The following SLC27A2 variants were observed in gnomAD, a reference collection of about 807,000 sequenced individuals.
The protein encoded by SLC27A2 is solute carrier family 27 member 2.
Under a neutral mutation model 60.0 loss-of-function variants are expected in SLC27A2, and 54 were observed. The observed-to-expected ratio is 0.90, with a 90% CI of 0.72 to 1.13. The LOEUF (loss-of-function observed/expected upper bound fraction) is 1.13, where lower values mean the gene tolerates loss of function less well. SLC27A2 is among the 50% of genes most tolerant of loss of function. The pLI is 0.00. For synonymous variants in SLC27A2, 297 were observed against 297.6 expected, an observed-to-expected ratio of 1.00 and a Z score of 0.02; for missense variants, 739 against 777.6, an observed-to-expected ratio of 0.95 and a Z score of 0.59.
At position 50,233,869 on chromosome 15, in the gene SLC27A2, TC is replaced by T. The variant is rs1201964654; in HGVS notation, c.1558del (p.His520MetfsTer12). 2 of 1,610,514 alleles carry T rather than the reference TC, an allele frequency of 1.2e-6. No homozygotes were observed. The highest frequency in any genetic ancestry group is 1.7e-6 in the Non-Finnish European group (2 of 1,178,534). Reference sequence around the variant, plus strand: ...AATTTTTTCTCACTTTATTTCTAGATCATGAGGGTCGCATTGGCATGGCCTC... The same window carrying T: ...AATTTTTTCTCACTTTATTTCTAGATATGAGGGTCGCATTGGCATGGCCTC... ...VNVYGVHVPD[H>X]EGRIGMASIK... On this transcript the variant is annotated frameshift_variant and splice_region_variant, in exon 9 of 10. Transcript: ENST00000267842. LOFTEE classifies it high-confidence loss of function.
chr15:50,182,487 C>G lies in SLC27A2; in HGVS notation c.60C>G (p.Asn20Lys). 1 of 1,610,846 alleles carries G rather than the reference C, an allele frequency of 6.2e-7. No individual in the cohort carries two copies. The highest frequency in any genetic ancestry group is 8.5e-7 in the Non-Finnish European group (1 of 1,178,736). Residue 20 changes from asparagine (N) to lysine (K), a missense_variant, in exon 1 of 10, where the codon AAC becomes AAG. By Grantham distance (94) the Asn-to-Lys change is moderately conservative (BLOSUM62 0). Coordinates refer to ENST00000267842, the MANE Select transcript of SLC27A2 (RefSeq NM_003645.4). ...AGLLFLPLLV[N>K]LCCPYFFQDI... Reference sequence around the variant, plus strand: ...TGCTGTTCCTGCCGCTCCTGGTGAACCTCTGCTGCCCATACTTCTTCCAGG... The same window carrying G: ...TGCTGTTCCTGCCGCTCCTGGTGAAGCTCTGCTGCCCATACTTCTTCCAGG...
intron 2 of SLC27A2, among the ~76,000 whole-genome samples, chr15:50,200,633 G>A (rs983924850): frequency 2.0e-5 from 3 of 152,042 alleles, no homozygotes; most frequent in African/African-American, 4.8e-5. Flanking sequence ...TCCTCTTCAC[G>A]AAGTCTGTTT....
intron 2 of SLC27A2, among the ~76,000 whole-genome samples, chr15:50,198,772 TA>T (rs1452891642): frequency 6.6e-6 from 1 of 152,180 alleles, no homozygotes; most frequent in East Asian, 1.9e-4. Context: ...AAGCAGGTAA[TA>T]CAGGTCTTCT....
intron 5 of SLC27A2, among the ~76,000 whole-genome samples, chr15:50,224,874 C>T (rs745900307): frequency 2.0e-5 from 3 of 152,152 alleles, no homozygotes; most frequent in African/African-American, 7.2e-5. Context: ...GACTGAGAAT[C>T]GATCTCCTAC....
At chr15:50,229,732 A>T (rs1328157452) in intron 8 of SLC27A2, among the ~76,000 whole-genome samples, 1 of 152,194 alleles carries the variant, frequency 6.6e-6, no homozygotes, top group East Asian at 1.9e-4. Context: ...TATATATATA[A>T]GGGTTGTTGT....
chr15:50,236,251 CTT>C lies in SLC27A2; in HGVS notation c.*157_*158del, dbSNP rs1430585396. 4 of 513,806 alleles carry C rather than the reference CTT, an allele frequency of 7.8e-6. No homozygotes were observed. Among genetic ancestry groups the C allele is most frequent in the South Asian group, 4.5e-5 (1 of 22,358 alleles). 31.8% of individuals were successfully genotyped at this position (513,806 alleles called of 1,614,324 possible). A position where few individuals can be genotyped will look rare whatever the true frequency, so the allele number is the denominator to read the frequency against. ...AGACTTTTTTAAATAACAGTTGAGT[CTT>C]TGCAAGTAAAAAGATTTAGAGATTA... is the stretch of plus-strand genomic sequence containing the variant. On this transcript the variant is annotated 3_prime_UTR_variant, in exon 10 of 10. Transcript: ENST00000267842.
At chr15:50,188,714 C>G (rs910229366) in intron 1 of SLC27A2, among the ~76,000 whole-genome samples, 1 of 152,364 alleles carries the variant, frequency 6.6e-6, no homozygotes, top group African/African-American at 2.4e-5. Flanking sequence ...AATCCCAACA[C>G]TTTGGGAGGC....
Position 50,220,111 on chromosome 15 carries a change from T to C in SLC27A2, c.973-2854T>C, listed in dbSNP as rs1266190844. ...TTCCAGCCTTAATCCCTTTTGCTGA[T>C]GTAATAAGATTCTTCAGCTGGATGA... On this transcript the variant is annotated intron_variant, in intron 4 of 9. Coordinates refer to ENST00000267842, the MANE Select transcript of SLC27A2 (RefSeq NM_003645.4). Among the ~76,000 whole-genome samples the C allele has an allele frequency of 2.0e-5, 3 of 152,340 alleles. No homozygotes were observed. In the East Asian group the frequency reaches 5.8e-4, roughly 29 times the overall value.
intron 3 of SLC27A2, among the ~76,000 whole-genome samples, chr15:50,203,020 A>AAAAAAAATATAT (rs369562703): frequency 6.8e-6 from 1 of 147,724 alleles, no homozygotes; most frequent in African/African-American, 2.5e-5. Context: ...CTCTAAAAAA[A>AAAAAAAATATAT]ATATATATAT....
chr15:50,213,415 A>G (rs2045172210), intron 4 of SLC27A2, among the ~76,000 whole-genome samples: 3 of 152,230 alleles, frequency 2.0e-5, no homozygotes. Flanking sequence ...AAAGTCAACA[A>G]AGAAACAATG....
At chr15:50,202,733 G>A in intron 3 of SLC27A2, 88 bp downstream of exon 3, 1 of 1,363,076 alleles carries the variant, frequency 7.3e-7, no homozygotes, top group Non-Finnish European at 1.0e-6. Flanking sequence ...CTACGTTGCT[G>A]TCTGCTAGGA....
intron 1 of SLC27A2, among the ~76,000 whole-genome samples, chr15:50,195,865 C>A (rs1379423546): frequency 4.0e-5 from 6 of 149,886 alleles, no homozygotes; most frequent in African/African-American, 1.5e-4. Context: ...ACCATCCTGG[C>A]TAACACTGTG....
intron 9 of SLC27A2, 96 bp from the exon 10 acceptor site, chr15:50,235,824 A>G (rs759193637): frequency 4.7e-6 from 4 of 847,654 alleles, no homozygotes; most frequent in Non-Finnish European, 7.3e-6. Context: ...GATGCTAATG[A>G]TTTGCTAGAT....
intron 5 of SLC27A2, among the ~76,000 whole-genome samples, chr15:50,225,121 A>C (rs2045270228): frequency 6.6e-6 from 1 of 152,216 alleles, no homozygotes; most frequent in African/African-American, 2.4e-5. Context: ...GACCATAAAC[A>C]CCACTTGTTT....
At chr15:50,187,661 TC>T (rs1239444344) in intron 1 of SLC27A2, among the ~76,000 whole-genome samples, 22 of 152,272 alleles carry the variant, frequency 1.4e-4, no homozygotes, top group Non-Finnish European at 2.6e-4. Flanking sequence ...AAAGATACTC[TC>T]TGTTGCAAAA....
In SLC27A2 at chr15:50,227,195, C is replaced by A; in HGVS notation, c.1457+17C>A. On this transcript the variant is annotated intron_variant, in intron 7 of 9. Transcript: ENST00000267842. Reference sequence around the variant, plus strand: ...TACATTCCGGTTGGTTTTTCTGAATCATTGAGCCAAAAACAAACACACGCA... The same window carrying A: ...TACATTCCGGTTGGTTTTTCTGAATAATTGAGCCAAAAACAAACACACGCA... The A allele has an allele frequency of 6.2e-7, 1 of 1,603,794 alleles. No homozygotes were observed. Among genetic ancestry groups the A allele is most frequent in the South Asian group, 1.1e-5 (1 of 90,544 alleles).
At chr15:50,209,384 A>T (rs781610064) in intron 4 of SLC27A2, among the ~76,000 whole-genome samples, 4 of 152,144 alleles carry the variant, frequency 2.6e-5, no homozygotes, top group Non-Finnish European at 5.9e-5. Context: ...AGGGGAGCAG[A>T]ATCAGGAAGG....
At chr15:50,191,138 C>T (rs576336316) in intron 1 of SLC27A2, 1 of 152,324 alleles carries the variant, frequency 6.6e-6, no homozygotes, top group Non-Finnish European at 1.5e-5. Flanking sequence ...AATAAGATTA[C>T]TGGTATCTAT....
At chr15:50,197,837 G>A in intron 2 of SLC27A2, 128 bp downstream of exon 2, 1 of 672,248 alleles carries the variant, frequency 1.5e-6, no homozygotes, top group Non-Finnish European at 2.5e-6. Context: ...TTAGTTATTT[G>A]CCTGCGGGAA....
Sources: gnomAD v4.1 joint callset for allele counts (sites outside exome capture counted in the v4.1 genomes callset) on GRCh38, gnomAD v4.1.1 for gene constraint, MANE v1.5 for transcripts, NCBI Gene and HGNC (gene_info 2026-07-23, HGNC 2026-07-21) for gene names.